The following COLEC10 variants were observed in gnomAD, a reference collection of about 807,000 sequenced individuals.
COLEC10 encodes collectin subfamily member 10.
In COLEC10, 22 loss-of-function variants were observed where a neutral mutation model predicts 28.4. That is an observed-to-expected ratio of 0.78 (90% CI 0.55 to 1.11). The LOEUF (loss-of-function observed/expected upper bound fraction) is 1.11, where lower values mean the gene tolerates loss of function less well. Ranked by LOEUF, COLEC10 falls within the 50% of genes least tolerant of loss-of-function variation. The pLI is 0.00. For missense variants in COLEC10, 361 were observed against 344.1 expected, an observed-to-expected ratio of 1.05 and a Z score of -0.39; for synonymous variants, 125 against 116.1, an observed-to-expected ratio of 1.08 and a Z score of -0.49.
At chr8:118,970,048 C>T in the COLEC10 span, among the ~76,000 whole-genome samples, 5 of 152,008 alleles carry the variant, frequency 3.3e-5, no homozygotes, top group Non-Finnish European at 2.9e-5. Flanking sequence ...GATGTCTGAG[C>T]TGCTAAAATG....
chr8:119,069,620 AAAAAAAAAAATATATATATAT>A (rs1245721080), intron 1 of COLEC10, among the ~76,000 whole-genome samples: 26 of 72,744 alleles, frequency 3.6e-4, no homozygotes, highest in African/African-American at 1.3e-3. Flanking sequence ...AAAAAAAAAA[AAAAAAAAAAATATATATATAT>A]ATATATATAT....
the COLEC10 span, among the ~76,000 whole-genome samples, chr8:118,966,101 T>C: frequency 1.3e-5 from 2 of 152,038 alleles, no homozygotes; most frequent in African/African-American, 2.4e-5. Flanking sequence ...TCTTAGGAGA[T>C]GAAAGTTTAC....
chr8:119,073,965 T>TATATACACGTATATATATAC, intron 1 of COLEC10, among the ~76,000 whole-genome samples: 1 of 150,380 alleles, frequency 6.6e-6, no homozygotes, highest in Non-Finnish European at 1.5e-5. Context: ...TATACACATA[T>TATATACACGTATATATATAC]ACACATATAT....
intron 3 of COLEC10, among the ~76,000 whole-genome samples, chr8:119,096,262 A>G (rs1479936457): frequency 2.6e-5 from 4 of 152,190 alleles, no homozygotes; most frequent in African/African-American, 9.7e-5. Context: ...AAGACTAACC[A>G]TGTAAGAAAA....
chr8:119,091,599 A>AGAGAG (rs1563741304), intron 3 of COLEC10, among the ~76,000 whole-genome samples: 3 of 96,784 alleles, frequency 3.1e-5, no homozygotes, highest in African/African-American at 2.2e-4. Context: ...GAGAGAGAGA[A>AGAGAG]AGAAAGAAAG....
At chr8:119,028,681 C>G (rs900291890) in intron 2 of COLEC10, among the ~76,000 whole-genome samples, 1 of 152,004 alleles carries the variant, frequency 6.6e-6, no homozygotes, top group Admixed American at 6.6e-5. Flanking sequence ...GGGACACAGT[C>G]AAGCCATATC....
intron 2 of COLEC10, among the ~76,000 whole-genome samples, chr8:119,023,586 T>C (rs1330684351): frequency 6.6e-6 from 1 of 152,208 alleles, no homozygotes; most frequent in East Asian, 1.9e-4. Context: ...AGTTCTTTCT[T>C]GGTGCTTTCC....
chr8:119,007,849 C>T (rs988528485), intron 1 of COLEC10, among the ~76,000 whole-genome samples: 5 of 150,776 alleles, frequency 3.3e-5, no homozygotes, highest in African/African-American at 1.2e-4. Context: ...CTTAATCTGG[C>T]TCAGGGAATC....
chr8:118,963,824 T>G, the COLEC10 span, among the ~76,000 whole-genome samples: 1 of 152,210 alleles, frequency 6.6e-6, no homozygotes, highest in East Asian at 1.9e-4. Context: ...CTTGGAATGT[T>G]GTTGAACAAA....
Position 119,106,233 on chromosome 8 carries a change from A to G in COLEC10, c.*42A>G, listed in dbSNP as rs372192224. The G allele has an allele frequency of 5.1e-4, 793 of 1,547,602 alleles. 1 individual carries two copies. Among genetic ancestry groups the G allele is most frequent in the Middle Eastern group, 4.4e-3 (25 of 5,736 alleles). ...TATTTGCTATTTTCCTGTGACCGTC[A>G]TTACAGTTATTGTTATCCATCCTTT... On this transcript the variant is annotated 3_prime_UTR_variant, in exon 6 of 6. Transcript: ENST00000332843.
the COLEC10 span, among the ~76,000 whole-genome samples, chr8:118,978,597 G>GTTT: frequency 6.6e-6 from 1 of 151,692 alleles, no homozygotes; most frequent in Non-Finnish European, 1.5e-5. Flanking sequence ...ATATCTGTAA[G>GTTT]TTCATATTAC....
intron 1 of COLEC10, chr8:119,068,105 G>T (rs1815009476): frequency 6.6e-6 from 1 of 152,126 alleles, no homozygotes; most frequent in South Asian, 2.1e-4. Flanking sequence ...TCTGGTTTTA[G>T]CTTTCACCCT....
At chr8:119,052,346 G>A (rs148712059) in intron 2 of COLEC10, among the ~76,000 whole-genome samples, 220 of 152,182 alleles carry the variant, frequency 1.4e-3, no homozygotes, top group South Asian at 2.1e-3. Flanking sequence ...CAAAGATCAC[G>A]TTAATGCCAC....
chr8:118,961,278 T>C, the COLEC10 span, among the ~76,000 whole-genome samples: 2 of 152,222 alleles, frequency 1.3e-5, no homozygotes, highest in Non-Finnish European at 2.9e-5. Context: ...CTAGATTCTC[T>C]CAAAAATCCC....
At chr8:118,983,774 C>T in the COLEC10 span, among the ~76,000 whole-genome samples, 1 of 152,082 alleles carries the variant, frequency 6.6e-6, no homozygotes, top group South Asian at 2.1e-4. Context: ...CAAATCAAAA[C>T]CATGATGAGA....
At position 119,054,466 on chromosome 8, in the gene COLEC10, A is replaced by G. The variant is rs145047379; in HGVS notation, n.236-35214A>G. On this transcript the variant is annotated intron_variant and non_coding_transcript_variant, in intron 2 of 6. Coordinates refer to the COLEC10 transcript ENST00000521788. ...AGATAAGTGATGATGATATTCATTT[A>G]GGAAGCATGTAAGAGATAAAGAGTC... 1.8e-3 allele frequency among the ~76,000 whole-genome samples: 278 copies of G among 152,244 alleles called. 3 individuals are homozygous for G. Among genetic ancestry groups the G allele is most frequent in the African/African-American group, 6.4e-3 (267 of 41,564 alleles).
chr8:119,039,881 G>A (rs542959213), intron 2 of COLEC10, among the ~76,000 whole-genome samples: 2 of 152,124 alleles, frequency 1.3e-5, no homozygotes, highest in African/African-American at 4.8e-5. Context: ...TAGACAATCC[G>A]GGATAATCTC....
At chr8:119,002,361 C>T (rs1193476286) in intron 1 of COLEC10, among the ~76,000 whole-genome samples, 1 of 151,770 alleles carries the variant, frequency 6.6e-6, no homozygotes, top group East Asian at 1.9e-4. Context: ...TTAAACATTC[C>T]CTAATGAAAT....
Position 119,105,885 on chromosome 8 carries a change from C to G in COLEC10, c.528C>G (p.Cys176Trp), listed in dbSNP as rs773764995. Residue 176 changes from cysteine to tryptophan, a missense_variant, in exon 6 of 6, where the codon TGC becomes TGG. This residue lies in a region of COLEC10 where 335 missense variants were observed against 308.5 expected (regional missense o/e 1.09). Transcript: ENST00000332843. ...ACTACAGGGAATCCCTAACCCACTG[C>G]AGGATTCGGGGTGGAATGCTAGCCA... Reference protein sequence around the residue: ...EKNYRESLTHCRIRGGMLAMP... With the variant: ...EKNYRESLTHWRIRGGMLAMP... The G allele has an allele frequency of 1.1e-5, 17 of 1,613,748 alleles. No homozygotes were observed. In the South Asian group the frequency reaches 1.9e-4, roughly 18 times the overall value.
Sources: gnomAD v4.1 joint callset for allele counts (sites outside exome capture counted in the v4.1 genomes callset) on GRCh38, gnomAD v4.1.1 for gene constraint, gnomAD v4.1.1 regional missense constraint, MANE v1.5 for transcripts, NCBI Gene and HGNC (gene_info 2026-07-23, HGNC 2026-07-21) for gene names.